SP6: variants seen among roughly 807,000 people sequenced by gnomAD.
SP6 encodes transcription factor Sp6.
In SP6, 10 loss-of-function variants were observed where a neutral mutation model predicts 23.4. That is an observed-to-expected ratio of 0.43 (90% CI 0.26 to 0.72). SP6 has a LOEUF of 0.72. Among genes scored for constraint, SP6 ranks in the 30% least tolerant of loss-of-function variants. The pLI, the probability that SP6 is intolerant of heterozygous loss-of-function variation, is 0.23. For synonymous variants in SP6, 238 were observed against 238.7 expected, an observed-to-expected ratio of 1.00 and a Z score of 0.03; for missense variants, 482 against 523.8, an observed-to-expected ratio of 0.92 and a Z score of 0.78.
the SP6 span, among the ~76,000 whole-genome samples, chr17:47,872,840 C>T: frequency 6.6e-6 from 1 of 152,134 alleles, no homozygotes; most frequent in African/African-American, 2.4e-5. Flanking sequence ...TAGAGCCGGC[C>T]CTCAGCCAGC....
chr17:47,873,903 G>A, the SP6 span, among the ~76,000 whole-genome samples: 3 of 124,766 alleles, frequency 2.4e-5, no homozygotes, highest in Non-Finnish European at 4.8e-5. Flanking sequence ...TTCCTCCTCC[G>A]CCTCCTACTC....
chr17:47,844,967 CCCCCTCAAAGTGAG>C lies in SP6; in HGVS notation c.*2318_*2331del, dbSNP rs1386224483. The C allele has an allele frequency of 6.6e-6, 1 of 152,620 alleles. No homozygotes were observed. The highest frequency in any genetic ancestry group is 1.9e-4 in the East Asian group (1 of 5,200). The allele number at this position is 152,620 out of a possible 1,614,324, so 9.5% of individuals were successfully genotyped here. A position where few individuals can be genotyped will look rare whatever the true frequency, so the allele number is the denominator to read the frequency against. ...CACAGGCTGTTTCTCCCTCCTCCTA[CCCCCTCAAAGTGAG>C]TTCACAGCAGTTAAAGAAAAAATAA... On this transcript the variant is annotated 3_prime_UTR_variant, in exon 2 of 2. Transcript: ENST00000536300.
rs1598057772 is a variant in SP6, at chr17:47,847,243, G to C, written c.*56C>G. On this transcript the variant is annotated 3_prime_UTR_variant, in exon 2 of 2. Coordinates refer to ENST00000536300, the MANE Select transcript of SP6 (RefSeq NM_001258248.2). Reference sequence around the variant, plus strand: ...AGCCACCCCCAAGGACGTCAGACCTGGGGGCTCGCATCCAGTGCCCCCCGG... The same window carrying C: ...AGCCACCCCCAAGGACGTCAGACCTCGGGGCTCGCATCCAGTGCCCCCCGG... 6.9e-7 allele frequency: 1 copy of C among 1,440,598 alleles called. No individual in the cohort carries two copies. Among genetic ancestry groups the C allele is most frequent in the East Asian group, 2.5e-5 (1 of 40,062 alleles). 89.2% of individuals were successfully genotyped at this position (1,440,598 alleles called of 1,614,324 possible). A position where few individuals can be genotyped will look rare whatever the true frequency, so the allele number is the denominator to read the frequency against.
chr17:47,850,636 C>T (rs1203538096), intron 1 of SP6, among the ~76,000 whole-genome samples: 2 of 152,220 alleles, frequency 1.3e-5, no homozygotes, highest in Non-Finnish European at 2.9e-5. Flanking sequence ...CCTTATGCCC[C>T]ATTCGGCTCT....
chr17:47,868,342 G>A, the SP6 span, among the ~76,000 whole-genome samples: 2 of 152,200 alleles, frequency 1.3e-5, no homozygotes, highest in Non-Finnish European at 2.9e-5. Context: ...ACAAGGTGGC[G>A]GGAGACTCAG....
In SP6 at chr17:47,846,954, C is replaced by T. The variant is rs749000186; in HGVS notation, c.*345G>A. The T allele has an allele frequency of 1.2e-4, 31 of 252,154 alleles. No homozygotes were observed. The highest frequency in any genetic ancestry group is 2.0e-4 in the Non-Finnish European group (26 of 132,716). The allele number at this position is 252,154 out of a possible 1,614,324, so 15.6% of individuals were successfully genotyped here. ...GGGCCGGCCCCACTTCTCTCTGCTC[C>T]GGGGACTGGGACTTGCTGTCTCCTC... On this transcript the variant is annotated 3_prime_UTR_variant, in exon 2 of 2. Transcript: ENST00000536300.
rs1220400586 is a variant in SP6, at chr17:47,848,980, C to T, written c.-57-494G>A. Among the ~76,000 whole-genome samples, 3 of 152,150 alleles carry T rather than the reference C, an allele frequency of 2.0e-5. No individual in the cohort carries two copies. Among genetic ancestry groups the T allele is most frequent in the Non-Finnish European group, 4.4e-5 (3 of 68,026 alleles). ...TCAGGTGACCTGCCCCTCATAAAGC[C>T]TCAAACGGGTCCTGAGTCTTTGAAA... is the stretch of plus-strand genomic sequence containing the variant. On this transcript the variant is annotated intron_variant, in intron 1 of 1. Coordinates refer to ENST00000536300, the MANE Select transcript of SP6 (RefSeq NM_001258248.2). The surrounding 1 kb of genome is among the most constrained non-coding windows in gnomAD (Gnocchi z 5.3).
upstream of SP6, among the ~76,000 whole-genome samples, chr17:47,853,173 G>T (rs4794202): frequency 0.13 from 20,035 of 152,226 alleles, 1,515 homozygotes; most frequent in Middle Eastern, 0.22. Context: ...CTGACATCGG[G>T]GGATTGAGAT....
upstream of SP6, among the ~76,000 whole-genome samples, chr17:47,853,397 T>C (rs933669818): frequency 2.6e-5 from 4 of 152,354 alleles, no homozygotes; most frequent in South Asian, 8.3e-4. Context: ...GAGTAGACAC[T>C]CATCAGGTCC....
chr17:47,851,837 A>C (rs1598061933), upstream of SP6, among the ~76,000 whole-genome samples: 5 of 142,330 alleles, frequency 3.5e-5, no homozygotes, highest in African/African-American at 5.3e-5. Context: ...CTGGGTGACC[A>C]CCTCCTCTCC....
chr17:47,858,767 C>CTTTTTTTTTTTTTTTTTTTTTTTTT (rs36092685), upstream of SP6, among the ~76,000 whole-genome samples: 3 of 92,648 alleles, frequency 3.2e-5, 1 homozygote, highest in African/African-American at 8.8e-5. Context: ...GATGAAGCAT[C>CTTTTTTTTTTTTTTTTTTTTTTTTT]TTTTTTTTTT....
At chr17:47,852,245 C>T (rs1266228120), upstream of SP6, among the ~76,000 whole-genome samples, 1 of 152,134 alleles carries the variant, frequency 6.6e-6, no homozygotes, top group Admixed American at 6.5e-5. Context: ...AAAATTTCAG[C>T]GCGCTCGCGG....
rs1217674363 is a variant in SP6, at chr17:47,847,414, G to A, written c.1016C>T (p.Ala339Val). The A allele has an allele frequency of 1.9e-6, 3 of 1,613,436 alleles. No individual in the cohort carries two copies. The highest frequency in any genetic ancestry group is 2.5e-6 in the Non-Finnish European group (3 of 1,179,872). The change falls in exon 2 of 2, where the codon GCC becomes GTC. Residue 339 changes from alanine (A) to valine (V), a missense_variant. By Grantham distance (64) the Ala-to-Val change is moderately conservative. Around this residue, in one of 3 missense-constraint regions of SP6, gnomAD observed 101 missense variants for 99.3 expected, o/e 1.02. Transcript: ENST00000536300. Reference sequence around the variant, plus strand: ...GGCCGCCCCAGCCGCCTCCTCCTTGGCGCCCTCGTGGGTTTTCATGTGCTT... The same window carrying A: ...GGCCGCCCCAGCCGCCTCCTCCTTGACGCCCTCGTGGGTTTTCATGTGCTT... Reference protein sequence around the residue: ...LAKHMKTHEGAKEEAAGAASG... With the variant: ...LAKHMKTHEGVKEEAAGAASG...
chr17:47,859,756 C>T (rs2034022261), upstream of SP6, among the ~76,000 whole-genome samples: 1 of 152,140 alleles, frequency 6.6e-6, no homozygotes, highest in African/African-American at 2.4e-5. Flanking sequence ...AGTGGAAGGA[C>T]CCACAGAGTA....
upstream of SP6, among the ~76,000 whole-genome samples, chr17:47,854,373 G>A (rs1386464865): frequency 1.3e-5 from 2 of 152,184 alleles, no homozygotes; most frequent in African/African-American, 4.8e-5. Flanking sequence ...GGAAGCCAAA[G>A]ATCAAAGAAG....
At chr17:47,866,755 C>G in the SP6 span, among the ~76,000 whole-genome samples, 5 of 152,216 alleles carry the variant, frequency 3.3e-5, no homozygotes, top group South Asian at 4.1e-4. Flanking sequence ...AGGGACCCAC[C>G]ACCTGCCAAG....
Position 47,847,809 on chromosome 17 carries a change from G to A in SP6, c.621C>T (p.Asp207=), listed in dbSNP as rs1027125390. 6.5e-7 allele frequency: 1 copy of A among 1,532,416 alleles called. No homozygotes were observed. The highest frequency in any genetic ancestry group is 8.7e-7 in the Non-Finnish European group (1 of 1,143,526). The allele number at this position is 1,532,416 out of a possible 1,614,324, so 94.9% of individuals were successfully genotyped here. The change falls in exon 2 of 2, where the codon GAC becomes GAT. Residue 207 remains aspartate (D), a synonymous_variant. Transcript: ENST00000536300. ...GGGAGCCTTTGGGACGCGCCGCCCC[G>A]TCCAGGCTGGAATCCAGCCCTTGAG... The part of the protein sequence containing the change: ...PESQGLDSSL[D]GAARPKGSRR...
rs1218388854 is a variant in SP6 at position 47,847,537 on chromosome 17, G to A, written c.893C>T (p.Ser298Leu). 9.3e-6 allele frequency: 15 copies of A among 1,613,480 alleles called. No individual in the cohort carries two copies. Among genetic ancestry groups the A allele is most frequent in the Non-Finnish European group, 1.3e-5 (15 of 1,179,952 alleles). ...CTGGAGGTGGCGCTGCAGCTCGTCC[G>A]AGCGCGTGAAGCGCTTGCCGCAGAA... Reference protein sequence around the residue: ...WLFCGKRFTRSDELQRHLQTH... With the variant: ...WLFCGKRFTRLDELQRHLQTH... The change falls in exon 2 of 2, where the codon TCG becomes TTG. Residue 298 changes from serine to leucine, a missense_variant. Around this residue, in one of 3 missense-constraint regions of SP6, gnomAD observed 51 missense variants for 92.1 expected, o/e 0.55. Coordinates refer to ENST00000536300, the MANE Select transcript of SP6 (RefSeq NM_001258248.2).
At position 47,848,551 on chromosome 17, in the gene SP6, G is replaced by A. The variant is rs1598059782; in HGVS notation, c.-57-65C>T. 1.1e-6 allele frequency: 1 copy of A among 914,648 alleles called. No homozygotes were observed. Among genetic ancestry groups the A allele is most frequent in the South Asian group, 1.9e-5 (1 of 53,768 alleles). 56.7% of individuals were successfully genotyped at this position (914,648 alleles called of 1,614,324 possible). On this transcript the variant is annotated intron_variant, in intron 1 of 1. Transcript: ENST00000536300. This position sits in a 1 kb window ranked among gnomAD's most constrained non-coding sequence, Gnocchi z 5.3. ...CAGCTCACTTTCCCTCCTAACCCAG[G>A]TCCTCCTCTCTGGCCCCAGGTGTAA...
Sources: allele counts gnomAD v4.1 joint callset (sites outside exome capture counted in the v4.1 genomes callset), GRCh38; gene constraint gnomAD v4.1.1; regional missense constraint gnomAD v4.1.1; non-coding constraint Gnocchi (gnomAD v3.1); transcripts MANE v1.5; gene names NCBI Gene and HGNC (gene_info 2026-07-23, HGNC 2026-07-21).